Variants in TNS3 observed in about 807,000 individuals in gnomAD.
TNS3 encodes the protein tensin-3.
Under a neutral mutation model 140.9 loss-of-function variants are expected in TNS3, and 45 were observed. That is an observed-to-expected ratio of 0.32 (90% CI 0.25 to 0.41). The LOEUF is 0.41. Ranked by LOEUF, TNS3 falls within the 10% of genes least tolerant of loss-of-function variation. The probability of loss-of-function intolerance (pLI) is 1.00; values close to 1 mark genes in which losing one functional copy is unlikely to be tolerated. For synonymous variants in TNS3, 815 were observed against 788.4 expected, an observed-to-expected ratio of 1.03 and a Z score of -0.56; for missense variants, 1,716 against 1,906.7, an observed-to-expected ratio of 0.90 and a Z score of 1.86.
chr7:47,363,937 T>C (rs555811463), intron 17 of TNS3, among the ~76,000 whole-genome samples: 44 of 152,206 alleles, frequency 2.9e-4, no homozygotes, highest in African/African-American at 1.0e-3. Context: ...ACAGCCCTGG[T>C]CTCCTTTGGC....
intron 1 of TNS3, among the ~76,000 whole-genome samples, chr7:47,563,607 C>T (rs1451264450): frequency 1.3e-5 from 2 of 152,226 alleles, no homozygotes; most frequent in Non-Finnish European, 2.9e-5. Flanking sequence ...TGCCCCGCTT[C>T]TCCAGAAAGT....
chr7:47,502,522 A>G (rs1798264575), intron 3 of TNS3, among the ~76,000 whole-genome samples: 1 of 152,210 alleles, frequency 6.6e-6, no homozygotes, highest in South Asian at 2.1e-4. Context: ...CATCAGCCGC[A>G]GCCAGGACAT....
intron 28 of TNS3, 124 bp downstream of exon 28, chr7:47,283,573 G>T: frequency 2.3e-6 from 2 of 878,744 alleles, no homozygotes; most frequent in South Asian, 8.2e-5. Context: ...CAGACCCTGG[G>T]TGACTCATGA....
At chr7:47,404,329 T>C (rs953512750) in intron 13 of TNS3, among the ~76,000 whole-genome samples, 4 of 152,210 alleles carry the variant, frequency 2.6e-5, no homozygotes, top group South Asian at 2.1e-4. Context: ...TATTATGATA[T>C]TGACCTGGCT....
chr7:47,543,289 G>T (rs1799838577), intron 1 of TNS3, among the ~76,000 whole-genome samples: 1 of 152,230 alleles, frequency 6.6e-6, no homozygotes, highest in African/African-American at 2.4e-5. Context: ...AGGCACACTT[G>T]CATCTCACCT....
chr7:47,564,142 C>T (rs566720564), intron 1 of TNS3, among the ~76,000 whole-genome samples: 1 of 141,126 alleles, frequency 7.1e-6, no homozygotes, highest in South Asian at 2.2e-4. Flanking sequence ...TGCAGTGAGC[C>T]GAGATCACAC....
Position 47,545,140 on chromosome 7 carries a change from CA to C in TNS3, c.-264-15994del, listed in dbSNP as rs1176807504. Among the ~76,000 whole-genome samples the C allele has an allele frequency of 1.9e-4, 16 of 82,998 alleles. No individual in the cohort carries two copies. In the East Asian group the frequency reaches 3.0e-3, roughly 15 times the overall value. The allele number at this position is 82,998 out of a possible 152,430, so 54.4% of individuals were successfully genotyped here. ...TAATACATTGAGATGCGTAAGAGGG[CA>C]TTTTTTTTTTTTTTTTTTTGAGACG... On this transcript the variant is annotated intron_variant, in intron 1 of 30. Transcript: ENST00000311160.
At chr7:47,342,544 C>T (rs1789079600) in intron 20 of TNS3, among the ~76,000 whole-genome samples, 1 of 152,212 alleles carries the variant, frequency 6.6e-6, no homozygotes, top group African/African-American at 2.4e-5. Context: ...GTGAGACTTT[C>T]CATGTGCTTT....
chr7:47,492,002 C>CT (rs1384077546), intron 3 of TNS3, among the ~76,000 whole-genome samples: 1 of 152,186 alleles, frequency 6.6e-6, no homozygotes, highest in African/African-American at 2.4e-5. Context: ...TGAAGGAACG[C>CT]TTTTTGATTT....
At chr7:47,305,800 G>A (rs1257076223) in intron 20 of TNS3, among the ~76,000 whole-genome samples, 1 of 152,070 alleles carries the variant, frequency 6.6e-6, no homozygotes, top group African/African-American at 2.4e-5. Flanking sequence ...TTTTAAACCA[G>A]GCTTCAAGAA....
intron 24 of TNS3, 104 bp downstream of exon 24, chr7:47,296,978 G>A: frequency 2.2e-6 from 3 of 1,374,900 alleles, no homozygotes; most frequent in Admixed American, 4.8e-5. Context: ...AATAAAATTT[G>A]TGAGTATTGT....
At chr7:47,543,628 A>T (rs1335147419) in intron 1 of TNS3, among the ~76,000 whole-genome samples, 1 of 151,250 alleles carries the variant, frequency 6.6e-6, no homozygotes, top group South Asian at 2.1e-4. Context: ...TGAAAGCAGT[A>T]CTGCTTTGTC....
chr7:47,487,367 G>A (rs1038168136), intron 3 of TNS3, among the ~76,000 whole-genome samples: 1 of 151,756 alleles, frequency 6.6e-6, no homozygotes, highest in Non-Finnish European at 1.5e-5. Flanking sequence ...GGCAGCTACA[G>A]GGAAAGCCTG....
chr7:47,441,969 G>A (rs1795486890), intron 5 of TNS3, 34 bp downstream of exon 5: 38 of 1,283,744 alleles, frequency 3.0e-5, no homozygotes, highest in Non-Finnish European at 3.6e-5. Flanking sequence ...TACAGCCAGA[G>A]ACACAGGAAT....
At chr7:47,477,763 C>T (rs1385056565) in intron 4 of TNS3, among the ~76,000 whole-genome samples, 4 of 152,168 alleles carry the variant, frequency 2.6e-5, no homozygotes, top group African/African-American at 4.8e-5. Flanking sequence ...GAAGACTCAG[C>T]CCAGACAGGA....
At chr7:47,480,838 T>A (rs1797387647) in intron 4 of TNS3, among the ~76,000 whole-genome samples, 1 of 152,112 alleles carries the variant, frequency 6.6e-6, no homozygotes, top group Non-Finnish European at 1.5e-5. Flanking sequence ...CCCAGGGAGA[T>A]TCGCCCCGAA....
intron 20 of TNS3, among the ~76,000 whole-genome samples, chr7:47,336,187 GT>G (rs1788620220): frequency 1.5e-5 from 2 of 136,908 alleles, no homozygotes; most frequent in African/African-American, 5.9e-5. Flanking sequence ...ACCAAGCAGA[GT>G]TAAAAAAAAA....
chr7:47,319,503 C>T (rs7791098), intron 20 of TNS3, among the ~76,000 whole-genome samples: 57,095 of 151,888 alleles, frequency 0.38, 10,862 homozygotes, highest in South Asian at 0.53. Context: ...TCACTCGTTA[C>T]CATGAGGACA....
In TNS3 at chr7:47,276,067, T is replaced by G; in HGVS notation, c.*2009A>C. 3.1e-6 allele frequency: 1 copy of G among 318,838 alleles called. No homozygotes were observed. The highest frequency in any genetic ancestry group is 6.2e-6 in the Non-Finnish European group (1 of 161,250). 19.8% of individuals were successfully genotyped at this position (318,838 alleles called of 1,614,324 possible). A position where few individuals can be genotyped will look rare whatever the true frequency, so the allele number is the denominator to read the frequency against. On this transcript the variant is annotated 3_prime_UTR_variant, in exon 31 of 31. Coordinates refer to ENST00000311160, the MANE Select transcript of TNS3 (RefSeq NM_022748.12). ...GGGGAAAGTACAAACCTCTGCTCCC[T>G]GTGGCCACATTCCTGCAGTGGATGA...
Sources: allele counts gnomAD v4.1 joint callset (sites outside exome capture counted in the v4.1 genomes callset), GRCh38; gene constraint gnomAD v4.1.1; transcripts MANE v1.5; gene names NCBI Gene and HGNC (gene_info 2026-07-23, HGNC 2026-07-21).